SLC5A4: variants seen among roughly 807,000 people sequenced by gnomAD.
The protein encoded by SLC5A4 is probable glucose sensor protein SLC5A4.
In SLC5A4, 55 loss-of-function variants were observed where a neutral mutation model predicts 70.3. The ratio of observed to expected loss-of-function variants is 0.78; its 90% confidence interval spans 0.63 to 0.98. The LOEUF (loss-of-function observed/expected upper bound fraction) is 0.98. Among genes scored for constraint, SLC5A4 ranks in the 50% least tolerant of loss-of-function variants. The pLI is 0.00. For synonymous variants in SLC5A4, 268 were observed against 305.7 expected (o/e 0.88, Z 1.29); for missense variants, 735 against 839.2 (o/e 0.88, Z 1.53).
At chr22:32,306,398 G>A in the SLC5A4 span, among the ~76,000 whole-genome samples, 32 of 151,694 alleles carry the variant, frequency 2.1e-4, no homozygotes, top group South Asian at 2.1e-4. Flanking sequence ...CCTGGGAGGC[G>A]GAGCTTGCAG....
At chr22:32,327,115 C>G in the SLC5A4 span, 1 of 152,260 alleles carries the variant, frequency 6.6e-6, no homozygotes, top group Non-Finnish European at 1.5e-5. Flanking sequence ...CTACGGGACA[C>G]TCACATAATA....
At chr22:32,319,460 G>T in the SLC5A4 span, among the ~76,000 whole-genome samples, 1 of 152,166 alleles carries the variant, frequency 6.6e-6, no homozygotes. Flanking sequence ...GCTCTCCTGG[G>T]TCTCAGGCCC....
chr22:32,328,101 C>CACAG, the SLC5A4 span, among the ~76,000 whole-genome samples: 2 of 151,208 alleles, frequency 1.3e-5, no homozygotes, highest in Non-Finnish European at 2.9e-5. Context: ...CACACAAACA[C>CACAG]ACACACACCA....
the SLC5A4 span, among the ~76,000 whole-genome samples, chr22:32,341,313 T>C: frequency 2.0e-4 from 31 of 152,132 alleles, no homozygotes; most frequent in African/African-American, 7.2e-4. Context: ...GAGATGAGGA[T>C]GGAGCCGCAA....
chr22:32,351,400 C>G, the SLC5A4 span, among the ~76,000 whole-genome samples: 2 of 151,570 alleles, frequency 1.3e-5, no homozygotes, highest in African/African-American at 4.8e-5. Flanking sequence ...ACGGACCGAT[C>G]ATTTTTAAAA....
At chr22:32,224,108 G>C (rs1925247121) in intron 13 of SLC5A4, among the ~76,000 whole-genome samples, 159 bp downstream of exon 13, 1 of 152,144 alleles carries the variant, frequency 6.6e-6, no homozygotes, top group South Asian at 2.1e-4. Context: ...TTTTAGTAGA[G>C]ACAAGGTTTC....
chr22:32,272,567 C>T, the SLC5A4 span: 27 of 638,536 alleles, frequency 4.2e-5, no homozygotes, highest in Admixed American at 1.8e-4. Flanking sequence ...AGGTGTACAG[C>T]GTGGACTTCA....
the SLC5A4 span, among the ~76,000 whole-genome samples, chr22:32,304,684 C>G: frequency 2.0e-5 from 3 of 151,934 alleles, no homozygotes; most frequent in Non-Finnish European, 4.4e-5. Flanking sequence ...TTTGGCTTGT[C>G]TTTTCATTCT....
At chr22:32,222,765 A>G (rs1925157829) in intron 13 of SLC5A4, among the ~76,000 whole-genome samples, 1 of 152,222 alleles carries the variant, frequency 6.6e-6, no homozygotes, top group Admixed American at 6.5e-5. Context: ...AGGAAAATAT[A>G]TAAAGAAGCA....
the SLC5A4 span, among the ~76,000 whole-genome samples, chr22:32,275,244 TGTAA>T: frequency 1.3e-5 from 2 of 152,214 alleles, no homozygotes; most frequent in African/African-American, 4.8e-5. Context: ...TTTATTACAC[TGTAA>T]GTTTTAGGGT....
chr22:32,300,224 C>A, the SLC5A4 span, among the ~76,000 whole-genome samples: 1 of 152,006 alleles, frequency 6.6e-6, no homozygotes, highest in South Asian at 2.1e-4. Flanking sequence ...CTAATCAAGC[C>A]TGGGCAATGG....
At chr22:32,249,213 C>G (rs1927004199) in intron 3 of SLC5A4, among the ~76,000 whole-genome samples, 1 of 152,226 alleles carries the variant, frequency 6.6e-6, no homozygotes, top group African/African-American at 2.4e-5. Flanking sequence ...ATAATATAAT[C>G]TAGCATTAAT....
intron 5 of SLC5A4, among the ~76,000 whole-genome samples, chr22:32,239,746 C>T (rs1026119136): frequency 1.4e-5 from 2 of 146,992 alleles, no homozygotes; most frequent in African/African-American, 5.0e-5. Context: ...ACCAAACGGC[C>T]GGGTGCGGTG....
At chr22:32,312,627 C>T in the SLC5A4 span, among the ~76,000 whole-genome samples, 1 of 151,864 alleles carries the variant, frequency 6.6e-6, no homozygotes, top group Non-Finnish European at 1.5e-5. Context: ...CCCTCCCCTG[C>T]ACCCCCAGCC....
At chr22:32,340,959 C>T in the SLC5A4 span, among the ~76,000 whole-genome samples, 1 of 152,226 alleles carries the variant, frequency 6.6e-6, no homozygotes, top group East Asian at 1.9e-4. Context: ...ACAAGGAGGG[C>T]TGGTCTCAGT....
At chr22:32,247,587 C>T (rs995590337) in intron 4 of SLC5A4, 72 bp from the exon 5 acceptor site, 6 of 967,034 alleles carry the variant, frequency 6.2e-6, no homozygotes, top group African/African-American at 1.6e-5. Context: ...TTCAGCATTT[C>T]CTAAGCACCT....
intron 13 of SLC5A4, among the ~76,000 whole-genome samples, chr22:32,223,367 G>A (rs1015473506): frequency 8.6e-5 from 13 of 152,022 alleles, no homozygotes; most frequent in Admixed American, 2.6e-4. Flanking sequence ...CTACCCAATT[G>A]CTTTACTATA....
the SLC5A4 span, among the ~76,000 whole-genome samples, chr22:32,350,928 C>T: frequency 3.4e-5 from 5 of 149,084 alleles, no homozygotes; most frequent in Non-Finnish European, 7.4e-5. Context: ...AAGTTCATAA[C>T]AAAGGTAGTA....
chr22:32,250,456 A>T (rs1569382007), intron 3 of SLC5A4, among the ~76,000 whole-genome samples: 1 of 152,112 alleles, frequency 6.6e-6, no homozygotes, highest in Non-Finnish European at 1.5e-5. Context: ...GAGGTCAGTG[A>T]GCCATGATCC....
Sources: gnomAD v4.1 joint callset for allele counts (sites outside exome capture counted in the v4.1 genomes callset) on GRCh38, gnomAD v4.1.1 for gene constraint, MANE v1.5 for transcripts, NCBI Gene and HGNC (gene_info 2026-07-23, HGNC 2026-07-21) for gene names.